CFTR: variants seen among roughly 807,000 people sequenced by gnomAD.
CFTR encodes cystic fibrosis transmembrane conductance regulator.
CFTR carries 181 observed loss-of-function variants against 171.6 expected under a neutral mutation model. The observed-to-expected ratio is 1.05, with a 90% confidence interval of 0.93 to 1.19. The LOEUF is 1.19. Ranked by LOEUF, CFTR falls within the 50% of genes most tolerant of loss-of-function variation. The pLI is 0.00. For synonymous variants in CFTR, 583 were observed against 608.0 expected, an observed-to-expected ratio of 0.96 and a Z score of 0.60; for missense variants, 1,968 against 1,734.7, an observed-to-expected ratio of 1.13 and a Z score of -2.39.
intron 22 of CFTR, among the ~76,000 whole-genome samples, chr7:117,635,735 T>A (rs1792816613): frequency 1.3e-5 from 2 of 152,082 alleles, no homozygotes; most frequent in Admixed American, 1.3e-4. Flanking sequence ...CTTTTAATAA[T>A]AAAACACTCC....
chr7:117,484,491 A>G (rs1798042709), intron 1 of CFTR, among the ~76,000 whole-genome samples: 1 of 152,178 alleles, frequency 6.6e-6, no homozygotes, highest in African/African-American at 2.4e-5. Flanking sequence ...TTGTCTGAAC[A>G]CTAACAAATG....
At chr7:117,660,690 A>G (rs13223535) in intron 24 of CFTR, among the ~76,000 whole-genome samples, 65 of 137,100 alleles carry the variant, frequency 4.7e-4, no homozygotes, top group South Asian at 2.1e-3. Context: ...GTGTGTGTGT[A>G]TATACACACA....
chr7:117,644,005 A>G (rs1340239107), intron 23 of CFTR, among the ~76,000 whole-genome samples: 1 of 152,092 alleles, frequency 6.6e-6, no homozygotes, highest in African/African-American at 2.4e-5. Flanking sequence ...AGTGGGCCAG[A>G]GTTTTGAAAA....
intron 24 of CFTR, among the ~76,000 whole-genome samples, chr7:117,660,891 G>C (rs865986669): frequency 6.6e-6 from 1 of 151,832 alleles, no homozygotes; most frequent in African/African-American, 2.4e-5. Flanking sequence ...TTTCCTTTAA[G>C]GCAGAGCCTC....
At chr7:117,571,429 G>A (rs927894072) in intron 11 of CFTR, among the ~76,000 whole-genome samples, 9 of 152,136 alleles carry the variant, frequency 5.9e-5, no homozygotes, top group African/African-American at 2.2e-4. Context: ...CAGACTTAGA[G>A]GAGATAGTTA....
At chr7:117,501,749 AAAAAAAAAAAAAAAAAAAAAAAGAAAC>A (rs1241129161) in intron 1 of CFTR, among the ~76,000 whole-genome samples, 4 of 70,374 alleles carry the variant, frequency 5.7e-5, no homozygotes, top group East Asian at 5.4e-4. Flanking sequence ...CTCTGTCTCA[AAAAAAAAAAAAAAAAAAAAAAAGAAAC>A]AAAAAAAAAA....
chr7:117,535,053 C>T (rs1305621336), intron 5 of CFTR, among the ~76,000 whole-genome samples, 195 bp from the exon 6 acceptor site: 4 of 152,120 alleles, frequency 2.6e-5, no homozygotes, highest in South Asian at 2.1e-4. Flanking sequence ...TTGGGAAAAC[C>T]GATTCTATGT....
At chr7:117,508,938 G>GGTTA in intron 2 of CFTR, 96 bp from the exon 3 acceptor site, 4 of 821,132 alleles carry the variant, frequency 4.9e-6, no homozygotes, top group Non-Finnish European at 8.5e-6. Context: ...AATCTCCTTG[G>GGTTA]ATATACTTGT....
chr7:117,585,698 G>A (rs991749609), intron 11 of CFTR, among the ~76,000 whole-genome samples: 1 of 152,166 alleles, frequency 6.6e-6, no homozygotes, highest in Non-Finnish European at 1.5e-5. Context: ...CTGCAGTGCA[G>A]TGGTGTGATC....
At chr7:117,614,815 A>G in intron 21 of CFTR, 102 bp downstream of exon 21, 1 of 762,686 alleles carries the variant, frequency 1.3e-6, no homozygotes, top group South Asian at 1.4e-5. Flanking sequence ...TATTGAGCTT[A>G]AGAAATAAAA....
At chr7:117,598,701 A>C (rs559641315) in intron 15 of CFTR, among the ~76,000 whole-genome samples, 1 of 152,232 alleles carries the variant, frequency 6.6e-6, no homozygotes, top group Non-Finnish European at 1.5e-5. Flanking sequence ...GGCTTGATGC[A>C]AGATGCAGTG....
chr7:117,546,024 C>T (rs1216722683), intron 9 of CFTR, among the ~76,000 whole-genome samples: 2 of 151,516 alleles, frequency 1.3e-5, no homozygotes, highest in Non-Finnish European at 2.9e-5. Flanking sequence ...GACAGAGTCT[C>T]ACTCTGTCAC....
chr7:117,566,062 T>C (rs953255843), intron 11 of CFTR, among the ~76,000 whole-genome samples: 2 of 152,184 alleles, frequency 1.3e-5, no homozygotes. Context: ...GAATGTTCAG[T>C]TGAGAGAACT....
At chr7:117,544,004 C>A (rs1799098725) in intron 9 of CFTR, among the ~76,000 whole-genome samples, 1 of 152,202 alleles carries the variant, frequency 6.6e-6, no homozygotes, top group Non-Finnish European at 1.5e-5. Context: ...TCCTAATCTT[C>A]CAACTGTTTG....
chr7:117,487,876 A>T (rs905452588), intron 1 of CFTR: 4 of 152,130 alleles, frequency 2.6e-5, no homozygotes, highest in Admixed American at 6.5e-5. Flanking sequence ...CAAGGGCTAA[A>T]CCTTAGAGTC....
At chr7:117,496,926 T>C (rs893330653) in intron 1 of CFTR, among the ~76,000 whole-genome samples, 4 of 152,102 alleles carry the variant, frequency 2.6e-5, no homozygotes, top group African/African-American at 9.7e-5. Context: ...CTTTTTTTCT[T>C]TTTTTGCTAA....
At chr7:117,547,258 A>G (rs1293807920) in intron 9 of CFTR, among the ~76,000 whole-genome samples, 1 of 152,130 alleles carries the variant, frequency 6.6e-6, no homozygotes, top group Non-Finnish European at 1.5e-5. Context: ...TAACTTATAA[A>G]TTTTTCAACA....
At position 117,667,267 on chromosome 7, in the gene CFTR, A is replaced by G; in HGVS notation, c.*159A>G. On this transcript the variant is annotated 3_prime_UTR_variant, in exon 27 of 27. Coordinates refer to ENST00000003084, the MANE Select transcript of CFTR (RefSeq NM_000492.4). ...AAAAAAGAAACATTTGGTAAGGGGA[A>G]TTGAGGACACTGATATGGGTCTTGA... 1.4e-6 allele frequency: 1 copy of G among 713,080 alleles called. No homozygotes were observed. Among genetic ancestry groups the G allele is most frequent in the Non-Finnish European group, 2.5e-6 (1 of 398,652 alleles). The allele number at this position is 713,080 out of a possible 1,614,324, so 44.2% of individuals were successfully genotyped here. A position where few individuals can be genotyped will look rare whatever the true frequency, so the allele number is the denominator to read the frequency against.
chr7:117,603,929 C>G lies in CFTR; in HGVS notation c.2908+147C>G, dbSNP rs1792266745. On this transcript the variant is annotated intron_variant, in intron 17 of 26. Coordinates refer to ENST00000003084, the MANE Select transcript of CFTR (RefSeq NM_000492.4). ...CCATTTGACTGGCATGCACATGTCT[C>G]AGATATTATAGGTTATCATATATTG... 3.6e-6 allele frequency: 3 copies of G among 824,486 alleles called. No individual in the cohort carries two copies. In the African/African-American group the frequency reaches 5.1e-5, roughly 14 times the overall value. The allele number at this position is 824,486 out of a possible 1,614,324, so 51.1% of individuals were successfully genotyped here. A position where few individuals can be genotyped will look rare whatever the true frequency, so the allele number is the denominator to read the frequency against.
Sources: allele counts gnomAD v4.1 joint callset (sites outside exome capture counted in the v4.1 genomes callset), GRCh38; gene constraint gnomAD v4.1.1; transcripts MANE v1.5; gene names NCBI Gene and HGNC (gene_info 2026-07-23, HGNC 2026-07-21).